Variants in ERBB4 observed in about 807,000 individuals in gnomAD.
ERBB4 encodes the protein receptor tyrosine-protein kinase erbB-4.
ERBB4 carries 42 observed loss-of-function variants against 158.0 expected under a neutral mutation model. The observed-to-expected ratio is 0.27, with a 90% CI of 0.21 to 0.34. The LOEUF is 0.34. Among genes scored for constraint, ERBB4 ranks in the 10% least tolerant of loss-of-function variants. The pLI is 1.00. For missense variants in ERBB4, 1,333 were observed against 1,624.1 expected, an observed-to-expected ratio of 0.82 and a Z score of 3.08; for synonymous variants, 583 against 558.7, an observed-to-expected ratio of 1.04 and a Z score of -0.61.
chr2:211,880,004 TA>T (rs1349325115), intron 3 of ERBB4, among the ~76,000 whole-genome samples: 1 of 150,730 alleles, frequency 6.6e-6, no homozygotes, highest in African/African-American at 2.4e-5. Context: ...AATATATAAA[TA>T]AAGCATAATT....
chr2:212,441,347 C>A (rs1159734269), intron 1 of ERBB4, among the ~76,000 whole-genome samples: 3 of 152,130 alleles, frequency 2.0e-5, no homozygotes, highest in Non-Finnish European at 4.4e-5. Context: ...CTGCGGGAGG[C>A]AATGGTGATA....
chr2:212,183,976 A>G (rs528997410), intron 1 of ERBB4, among the ~76,000 whole-genome samples: 44 of 152,144 alleles, frequency 2.9e-4, no homozygotes, highest in Non-Finnish European at 5.0e-4. Flanking sequence ...TGCTTTAAGC[A>G]TGCTCTGTTC....
intron 1 of ERBB4, among the ~76,000 whole-genome samples, chr2:212,447,774 T>TTG (rs3040357): frequency 0.069 from 10,111 of 147,108 alleles, 521 homozygotes; most frequent in African/African-American, 0.14. Context: ...TCATAAAAGA[T>TTG]TGTGTGTGTG....
chr2:212,358,492 G>A (rs772065117), intron 1 of ERBB4, among the ~76,000 whole-genome samples: 8 of 151,656 alleles, frequency 5.3e-5, no homozygotes, highest in Admixed American at 1.3e-4. Flanking sequence ...ATGTTCATAT[G>A]GGAGTAAATT....
At chr2:212,127,999 T>C (rs921918958) in intron 1 of ERBB4, among the ~76,000 whole-genome samples, 1 of 152,180 alleles carries the variant, frequency 6.6e-6, no homozygotes, top group Non-Finnish European at 1.5e-5. Context: ...GGTATGTTGT[T>C]ACTATTTGTC....
At chr2:212,234,395 G>A (rs754506617) in intron 1 of ERBB4, among the ~76,000 whole-genome samples, 2 of 152,132 alleles carry the variant, frequency 1.3e-5, no homozygotes, top group Non-Finnish European at 2.9e-5. Context: ...ATGGGCATTT[G>A]GGTTGGTTTC....
At position 211,956,091 on chromosome 2, in the gene ERBB4, A is replaced by G. The variant is rs1286194080; in HGVS notation, c.235-8475T>C. ...TTGTTTTCTACATATTTATACAGGTAGGCTTATATTTTGAAGCTTGTATTT... is the reference window on the plus strand; with the variant it reads ...TTGTTTTCTACATATTTATACAGGTGGGCTTATATTTTGAAGCTTGTATTT... On this transcript the variant is annotated intron_variant, in intron 2 of 27. Transcript: ENST00000342788. Among the ~76,000 whole-genome samples the G allele has an allele frequency of 2.0e-5, 3 of 151,568 alleles. No homozygotes were observed. The East Asian group carries it at 5.8e-4, about 29-fold the overall frequency.
chr2:212,352,985 G>A (rs541688151), intron 1 of ERBB4, among the ~76,000 whole-genome samples: 1 of 151,992 alleles, frequency 6.6e-6, no homozygotes, highest in African/African-American at 2.4e-5. Flanking sequence ...AAATGAAAAT[G>A]AAAATATCCT....
chr2:211,823,810 G>A (rs907374793), intron 3 of ERBB4, among the ~76,000 whole-genome samples: 1 of 151,958 alleles, frequency 6.6e-6, no homozygotes, highest in Non-Finnish European at 1.5e-5. Context: ...CACGTGCTAA[G>A]CATTTCACTA....
intron 24 of ERBB4, among the ~76,000 whole-genome samples, chr2:211,420,866 AAAAGATGTTTTTAGGGAGGT>A (rs1334660368): frequency 6.6e-6 from 1 of 152,060 alleles, no homozygotes; most frequent in Non-Finnish European, 1.5e-5. Context: ...AAGCAAAATC[AAAAGATGTTTTTAGGGAGGT>A]AAAATCAATT....
chr2:212,211,210 G>A (rs190962637), intron 1 of ERBB4, among the ~76,000 whole-genome samples: 1 of 152,188 alleles, frequency 6.6e-6, no homozygotes, highest in East Asian at 1.9e-4. Context: ...TAGCTTCCAT[G>A]AGTGTCTCTG....
intron 1 of ERBB4, among the ~76,000 whole-genome samples, chr2:212,159,701 A>G (rs1325722525): frequency 1.3e-5 from 2 of 151,960 alleles, no homozygotes; most frequent in African/African-American, 4.8e-5. Context: ...CACTGCTTGA[A>G]GAAAGCAAGG....
intron 2 of ERBB4, among the ~76,000 whole-genome samples, chr2:212,005,559 C>A (rs73081389): frequency 0.19 from 28,496 of 151,982 alleles, 3,213 homozygotes; most frequent in African/African-American, 0.3. Flanking sequence ...AGTATAAATT[C>A]GTCAGATATG....
At chr2:211,410,295 A>G (rs3791700) in intron 25 of ERBB4, among the ~76,000 whole-genome samples, 34,707 of 152,114 alleles carry the variant, frequency 0.23, 4,553 homozygotes, top group South Asian at 0.47. Context: ...AGTTATAAAT[A>G]TCAGGCTGCT....
In ERBB4 at chr2:212,037,099, T is replaced by C. The variant is rs149697216; in HGVS notation, c.234+87653A>G. ...TCAATCAGCTTTTAATCAGAAACAATTTTGAAGGGTTTTTTTGTTTGTTGT... is the reference window on the plus strand; with the variant it reads ...TCAATCAGCTTTTAATCAGAAACAACTTTGAAGGGTTTTTTTGTTTGTTGT... On this transcript the variant is annotated intron_variant, in intron 2 of 27. Transcript: ENST00000342788. 1.2e-3 allele frequency among the ~76,000 whole-genome samples: 89 copies of C among 76,586 alleles called. 3 individuals are homozygous for C. In the East Asian group the frequency reaches 0.04, roughly 34 times the overall value. 50.2% of individuals were successfully genotyped at this position (76,586 alleles called of 152,430 possible).
chr2:211,872,096 T>TTAAC (rs35958722), intron 3 of ERBB4, among the ~76,000 whole-genome samples: 121,538 of 151,802 alleles, frequency 0.8, 49,163 homozygotes, highest in Non-Finnish European at 0.86. Context: ...GAATTATTAA[T>TTAAC]TTTCTAGACC....
intron 3 of ERBB4, among the ~76,000 whole-genome samples, chr2:211,844,941 C>T (rs745717861): frequency 2.6e-5 from 4 of 152,070 alleles, no homozygotes; most frequent in Non-Finnish European, 4.4e-5. Context: ...CTTGGGACAG[C>T]TGAAGGGCAC....
intron 19 of ERBB4, among the ~76,000 whole-genome samples, chr2:211,591,618 T>C (rs577322758): frequency 2.0e-4 from 30 of 152,338 alleles, no homozygotes; most frequent in Admixed American, 1.1e-3. Flanking sequence ...TCCCACAGCA[T>C]GTAATAGGTA....
At chr2:211,706,457 CATTT>C (rs1448202908) in intron 9 of ERBB4, among the ~76,000 whole-genome samples, 2 of 152,046 alleles carry the variant, frequency 1.3e-5, no homozygotes, top group Non-Finnish European at 2.9e-5. Context: ...AATCCATTGG[CATTT>C]ATTCATGCCA....
Sources: allele counts gnomAD v4.1 joint callset (sites outside exome capture counted in the v4.1 genomes callset), GRCh38; gene constraint gnomAD v4.1.1; transcripts MANE v1.5; gene names NCBI Gene and HGNC (gene_info 2026-07-23, HGNC 2026-07-21).